Variants in PIP4K2A observed in about 807,000 individuals in gnomAD.
The protein encoded by PIP4K2A is phosphatidylinositol 5-phosphate 4-kinase type-2 alpha.
In PIP4K2A, 14 loss-of-function variants were observed where a neutral mutation model predicts 42.9. That is an observed-to-expected ratio of 0.33 (90% CI 0.22 to 0.51). The LOEUF (loss-of-function observed/expected upper bound fraction) is 0.51. Among genes scored for constraint, PIP4K2A ranks in the 20% least tolerant of loss-of-function variants. PIP4K2A has a pLI of 0.97. For missense variants in PIP4K2A, 434 were observed against 519.8 expected (o/e 0.83, Z 1.61); for synonymous variants, 192 against 192.2 (o/e 1.00, Z 0.01).
intron 1 of PIP4K2A, among the ~76,000 whole-genome samples, chr10:22,641,744 GCC>G (rs1162238765): frequency 8.6e-5 from 13 of 151,928 alleles, no homozygotes; most frequent in African/African-American, 2.9e-4. Context: ...GCTGCCATGA[GCC>G]CCCCATGCCC....
chr10:22,617,780 C>T (rs1191617060), intron 1 of PIP4K2A, among the ~76,000 whole-genome samples: 3 of 151,974 alleles, frequency 2.0e-5, no homozygotes, highest in Non-Finnish European at 4.4e-5. Flanking sequence ...CAGGAGATGT[C>T]GAGAGTGGGT....
Position 22,658,574 on chromosome 10 carries a change from GC to G in PIP4K2A, c.145-48858del, listed in dbSNP as rs543962865. ...GTGAATTCAAGAACTGCAATTAGAA[GC>G]TATTCTATACCTGCTTTTTTAAAAA... On this transcript the variant is annotated intron_variant, in intron 1 of 9. Transcript: ENST00000376573. Among the ~76,000 whole-genome samples the G allele has an allele frequency of 1.8e-3, 281 of 152,294 alleles. 3 individuals are homozygous for G. The highest frequency in any genetic ancestry group is 0.014 in the Middle Eastern group (4 of 294).
chr10:22,544,984 T>C (rs1455456986), intron 7 of PIP4K2A, among the ~76,000 whole-genome samples: 3 of 152,150 alleles, frequency 2.0e-5, no homozygotes, highest in Non-Finnish European at 2.9e-5. Context: ...ATTCATTTTG[T>C]TGGAGTATTT....
chr10:22,537,195 A>G lies in PIP4K2A; in HGVS notation c.*6T>C. On this transcript the variant is annotated 3_prime_UTR_variant, in exon 10 of 10. Transcript: ENST00000376573. ...TGTTCATGTCTGTCCGAGGCTGCGC[A>G]GGAGGTTACGTCAAGATGTGGCCAA... The G allele has an allele frequency of 4.4e-6, 7 of 1,597,178 alleles. No homozygotes were observed. The highest frequency in any genetic ancestry group is 6.0e-6 in the Non-Finnish European group (7 of 1,169,258).
intron 7 of PIP4K2A, among the ~76,000 whole-genome samples, chr10:22,543,681 C>T (rs930866259): frequency 3.3e-5 from 5 of 152,222 alleles, no homozygotes; most frequent in Non-Finnish European, 5.9e-5. Context: ...AGCTGCCAGG[C>T]TGTGAGGTGC....
intron 1 of PIP4K2A, among the ~76,000 whole-genome samples, chr10:22,610,241 C>T (rs796402219): frequency 6.6e-6 from 1 of 152,142 alleles, no homozygotes. Flanking sequence ...AAAAGAAGAA[C>T]CTCCATTCAG....
intron 1 of PIP4K2A, among the ~76,000 whole-genome samples, chr10:22,612,614 C>G (rs563928048): frequency 2.6e-5 from 4 of 152,234 alleles, no homozygotes; most frequent in Admixed American, 2.6e-4. Context: ...GCAGCAGAAA[C>G]GAAAGAAGCA....
At chr10:22,704,540 C>G (rs1833779415) in intron 1 of PIP4K2A, among the ~76,000 whole-genome samples, 1 of 151,066 alleles carries the variant, frequency 6.6e-6, no homozygotes, top group Admixed American at 6.6e-5. Context: ...TGTATAATCC[C>G]AGCACTTAGG....
At chr10:22,558,044 T>G (rs1326353064) in intron 6 of PIP4K2A, among the ~76,000 whole-genome samples, 1 of 152,260 alleles carries the variant, frequency 6.6e-6, no homozygotes, top group Non-Finnish European at 1.5e-5. Context: ...GATATGCTCA[T>G]TTGGCAACCT....
chr10:22,559,787 T>G (rs1037098916), intron 6 of PIP4K2A, among the ~76,000 whole-genome samples: 2 of 152,162 alleles, frequency 1.3e-5, no homozygotes, highest in African/African-American at 4.8e-5. Flanking sequence ...CCAGGAAAGC[T>G]TCATTTGAAA....
chr10:22,562,924 G>C (rs1301570088), intron 6 of PIP4K2A, among the ~76,000 whole-genome samples: 1 of 152,146 alleles, frequency 6.6e-6, no homozygotes, highest in Non-Finnish European at 1.5e-5. Flanking sequence ...GTATCCCCAG[G>C]GAAATCGCTG....
chr10:22,656,449 A>C (rs981291731), intron 1 of PIP4K2A, among the ~76,000 whole-genome samples: 1 of 152,194 alleles, frequency 6.6e-6, no homozygotes, highest in Non-Finnish European at 1.5e-5. Flanking sequence ...GGGAAGAGAC[A>C]CTGTCTTGCT....
intron 1 of PIP4K2A, chr10:22,691,754 G>A (rs1053917236): frequency 6.6e-6 from 1 of 152,094 alleles, no homozygotes; most frequent in African/African-American, 2.4e-5. Context: ...CAGCTTTCAG[G>A]AGCACACCTC....
intron 1 of PIP4K2A, among the ~76,000 whole-genome samples, chr10:22,682,863 C>G (rs1839689717): frequency 6.6e-6 from 1 of 152,276 alleles, no homozygotes; most frequent in Non-Finnish European, 1.5e-5. Flanking sequence ...TGAAGAGACA[C>G]AGATGGTCCA....
intron 1 of PIP4K2A, among the ~76,000 whole-genome samples, chr10:22,631,255 A>G (rs1293135813): frequency 2.0e-5 from 3 of 152,166 alleles, no homozygotes; most frequent in African/African-American, 7.2e-5. Flanking sequence ...AATTCCTACA[A>G]TGCAACCCTA....
intron 4 of PIP4K2A, among the ~76,000 whole-genome samples, chr10:22,586,392 AC>A (rs1837395276): frequency 6.6e-6 from 1 of 152,206 alleles, no homozygotes; most frequent in African/African-American, 2.4e-5. Flanking sequence ...GCCACAGTCT[AC>A]CAGAAACCAG....
intron 1 of PIP4K2A, among the ~76,000 whole-genome samples, chr10:22,618,372 G>C (rs528482594): frequency 6.6e-6 from 1 of 152,264 alleles, no homozygotes; most frequent in Non-Finnish European, 1.5e-5. Flanking sequence ...TTCGCTTTAA[G>C]AAGTGAATGA....
intron 8 of PIP4K2A, 147 bp from the exon 9 acceptor site, chr10:22,540,221 C>T: frequency 1.6e-6 from 1 of 633,074 alleles, no homozygotes; most frequent in Non-Finnish European, 2.8e-6. Flanking sequence ...ACAAACTCTA[C>T]ACCACCCCTG....
At chr10:22,613,544 C>G (rs1838104332) in intron 1 of PIP4K2A, among the ~76,000 whole-genome samples, 1 of 152,072 alleles carries the variant, frequency 6.6e-6, no homozygotes, top group Non-Finnish European at 1.5e-5. Flanking sequence ...CCTATTTTCT[C>G]TGGGGATTAG....
Sources: allele counts gnomAD v4.1 joint callset (sites outside exome capture counted in the v4.1 genomes callset), GRCh38; gene constraint gnomAD v4.1.1; transcripts MANE v1.5; gene names NCBI Gene and HGNC (gene_info 2026-07-23, HGNC 2026-07-21).